The following WWC2 variants were observed in gnomAD, a reference collection of about 807,000 sequenced individuals.
WWC2 encodes protein WWC2.
In WWC2, 101 loss-of-function variants were observed where a neutral mutation model predicts 138.5. The observed-to-expected ratio is 0.73, with a 90% CI of 0.62 to 0.86. WWC2 has a LOEUF of 0.86. Ranked by LOEUF, WWC2 falls within the 40% of genes least tolerant of loss-of-function variation. The pLI, the probability that WWC2 is intolerant of heterozygous loss-of-function variation, is 0.00. For missense variants in WWC2, 1,420 were observed against 1,419.4 expected, an observed-to-expected ratio of 1.00 and a Z score of -0.01; for synonymous variants, 558 against 538.4, an observed-to-expected ratio of 1.04 and a Z score of -0.50.
chr4:183,188,817 G>A (rs1257119831), intron 1 of WWC2, among the ~76,000 whole-genome samples: 1 of 151,582 alleles, frequency 6.6e-6, no homozygotes, highest in East Asian at 2.0e-4. Context: ...GCTAATTTTT[G>A]TATTTTTAGT....
intron 1 of WWC2, among the ~76,000 whole-genome samples, chr4:183,132,128 G>C (rs1451996824): frequency 6.6e-6 from 1 of 152,002 alleles, no homozygotes; most frequent in East Asian, 1.9e-4. Flanking sequence ...TATTTGGTAG[G>C]GAAAGTCTCC....
chr4:183,300,480 A>T (rs564113222), intron 21 of WWC2, among the ~76,000 whole-genome samples: 19 of 151,628 alleles, frequency 1.3e-4, no homozygotes, highest in African/African-American at 4.6e-4. Context: ...ATCTATTTTT[A>T]AAATTATGCC....
chr4:183,262,672 C>A (rs1737366814), intron 11 of WWC2, among the ~76,000 whole-genome samples: 1 of 152,110 alleles, frequency 6.6e-6, no homozygotes. Context: ...GAAATAACCA[C>A]AAAGAAAATA....
At chr4:183,289,667 G>T (rs777669263) in intron 21 of WWC2, 32 bp downstream of exon 21, 1 of 1,596,462 alleles carries the variant, frequency 6.3e-7, no homozygotes, top group Non-Finnish European at 8.5e-7. Flanking sequence ...ATCTCGGAGG[G>T]GCTTACATCT....
chr4:183,136,501 C>G (rs543912781), intron 1 of WWC2, among the ~76,000 whole-genome samples: 1 of 152,066 alleles, frequency 6.6e-6, no homozygotes, highest in South Asian at 2.1e-4. Context: ...AAACATAGTA[C>G]GCATGCTTAT....
At position 183,317,543 on chromosome 4, in the gene WWC2, A is replaced by T. The variant is rs1371991218; in HGVS notation, c.*1814A>T. On this transcript the variant is annotated 3_prime_UTR_variant, in exon 23 of 23. Coordinates refer to ENST00000403733, the MANE Select transcript of WWC2 (RefSeq NM_024949.6). ...AAATGTGAAAGACAGAAGTTTATTT[A>T]ATGTAGAGGTAAATGAAGGTGAGCT... is the stretch of plus-strand genomic sequence containing the variant. 1 of 152,656 alleles carries T rather than the reference A, an allele frequency of 6.6e-6. No individual in the cohort carries two copies. The highest frequency in any genetic ancestry group is 2.4e-5 in the African/African-American group (1 of 41,462). 9.5% of individuals were successfully genotyped at this position (152,656 alleles called of 1,614,324 possible).
intron 1 of WWC2, among the ~76,000 whole-genome samples, chr4:183,154,002 C>CAAA (rs35002790): frequency 9.8e-5 from 7 of 71,638 alleles, no homozygotes; most frequent in South Asian, 7.1e-4. Flanking sequence ...CTTTAAAAAG[C>CAAA]AAAAAAAAAA....
Position 183,282,891 on chromosome 4 carries a change from T to A in WWC2, c.2868T>A (p.Thr956=), listed in dbSNP as rs1217414272. The change falls in exon 18 of 23, where the codon ACT becomes ACA. Residue 956 remains threonine, a synonymous_variant. Transcript: ENST00000403733. ...CAKDLRSQPP[T]RIPTLVDKET... ...AAGACCTCAGAAGTCAGCCACCTAC[T>A]AGAATACCAACACTGGTGACTATTC... 1.9e-6 allele frequency: 3 copies of A among 1,582,354 alleles called. No homozygotes were observed. The highest frequency in any genetic ancestry group is 2.6e-6 in the Non-Finnish European group (3 of 1,163,742).
At chr4:183,136,557 A>G (rs1404011519) in intron 1 of WWC2, among the ~76,000 whole-genome samples, 1 of 152,178 alleles carries the variant, frequency 6.6e-6, no homozygotes, top group African/African-American at 2.4e-5. Flanking sequence ...CACTTTGCTT[A>G]ACGATGGGGA....
At chr4:183,194,394 A>G (rs896912845) in intron 2 of WWC2, among the ~76,000 whole-genome samples, 1 of 152,078 alleles carries the variant, frequency 6.6e-6, no homozygotes, top group Non-Finnish European at 1.5e-5. Context: ...CTAGCACTCT[A>G]TCTACTCCTT....
At chr4:183,299,298 C>T (rs1738742894) in intron 21 of WWC2, among the ~76,000 whole-genome samples, 1 of 152,136 alleles carries the variant, frequency 6.6e-6, no homozygotes, top group African/African-American at 2.4e-5. Context: ...TGAATTTCAG[C>T]TTGAGTTTTG....
At chr4:183,307,576 AAAG>A (rs1177710240) in intron 21 of WWC2, among the ~76,000 whole-genome samples, 1 of 152,234 alleles carries the variant, frequency 6.6e-6, no homozygotes, top group African/African-American at 2.4e-5. Context: ...CTATATAGAA[AAAG>A]AATTATATAC....
chr4:183,182,688 A>G (rs1560830048), intron 1 of WWC2, among the ~76,000 whole-genome samples: 1 of 152,250 alleles, frequency 6.6e-6, no homozygotes, highest in Non-Finnish European at 1.5e-5. Context: ...CTGTTAAGAT[A>G]TTCATTATGA....
chr4:183,233,645 G>T (rs987142784), intron 4 of WWC2: 2 of 151,856 alleles, frequency 1.3e-5, no homozygotes, highest in African/African-American at 4.8e-5. Flanking sequence ...TAGCCATCTC[G>T]TTTCTGATGG....
rs777763227 is a variant in WWC2 at position 183,315,706 on chromosome 4, T to G, written c.3556T>G (p.Ser1186Ala). 1.9e-6 allele frequency: 3 copies of G among 1,613,432 alleles called. No individual in the cohort carries two copies. In the South Asian group the frequency reaches 3.3e-5, roughly 18 times the overall value. The change falls in exon 23 of 23, where the codon TCC becomes GCC. Residue 1186 changes from serine (S) to alanine (A), a missense_variant. Physicochemically the swap from Ser to Ala is moderately conservative, Grantham distance 99 (BLOSUM62 1). Transcript: ENST00000403733. ...CACCAGAGCAAAGATAAGCATCCCATCCCTGCCAGCTGATGATGTGTGATT... is the reference window on the plus strand; with the variant it reads ...CACCAGAGCAAAGATAAGCATCCCAGCCCTGCCAGCTGATGATGTGTGATT... Reference protein sequence around the residue: ...YFTRAKISIPSLPADDV With the variant: ...YFTRAKISIPALPADDV
At chr4:183,192,479 G>A (rs1236686993) in intron 1 of WWC2, among the ~76,000 whole-genome samples, 2 of 152,210 alleles carry the variant, frequency 1.3e-5, no homozygotes, top group Non-Finnish European at 2.9e-5. Context: ...TGAAAGAAAA[G>A]TAGACCCTTC....
chr4:183,186,073 G>A (rs566384074), intron 1 of WWC2, among the ~76,000 whole-genome samples: 12 of 150,732 alleles, frequency 8.0e-5, no homozygotes, highest in East Asian at 7.9e-4. Context: ...TCAGTCTCCC[G>A]AGTAGCTGGG....
At chr4:183,269,724 T>C (rs60718363) in intron 15 of WWC2, 79,025 of 317,394 alleles carry the variant, frequency 0.25, 9,398 homozygotes, top group South Asian at 0.32. Context: ...CTGAGTACTA[T>C]ATAGTACCCT....
intron 10 of WWC2, among the ~76,000 whole-genome samples, chr4:183,260,479 C>T (rs544119877): frequency 2.0e-5 from 3 of 152,236 alleles, no homozygotes; most frequent in South Asian, 2.1e-4. Flanking sequence ...ATGGTGGTCC[C>T]GTAAGATTGT....
Sources: allele counts gnomAD v4.1 joint callset (sites outside exome capture counted in the v4.1 genomes callset), GRCh38; gene constraint gnomAD v4.1.1; transcripts MANE v1.5; gene names NCBI Gene and HGNC (gene_info 2026-07-23, HGNC 2026-07-21).